The following CACNG4 variants were observed in gnomAD, a reference collection of about 807,000 sequenced individuals.
CACNG4 encodes the protein calcium voltage-gated channel auxiliary subunit gamma 4.
CACNG4 carries 8 observed loss-of-function variants against 22.9 expected under a neutral mutation model. The observed-to-expected ratio is 0.35, with a 90% CI of 0.21 to 0.63. The LOEUF is 0.63. Among genes scored for constraint, CACNG4 ranks in the 30% least tolerant of loss-of-function variants. The pLI is 0.72. For missense variants in CACNG4, 357 were observed against 455.4 expected (o/e 0.78, Z 1.97); for synonymous variants, 188 against 191.9 (o/e 0.98, Z 0.17).
chr17:67,025,648 G>A (rs191405753), intron 3 of CACNG4, among the ~76,000 whole-genome samples: 64 of 152,378 alleles, frequency 4.2e-4, no homozygotes, highest in Admixed American at 2.9e-3. Flanking sequence ...CGATGTCCCC[G>A]GAAAGTGCCA....
chr17:67,028,401 G>A (rs948942031), intron 3 of CACNG4, among the ~76,000 whole-genome samples: 5 of 151,832 alleles, frequency 3.3e-5, no homozygotes, highest in Non-Finnish European at 5.9e-5. Flanking sequence ...AAAATACAAA[G>A]AATTAGCTGG....
chr17:67,013,699 G>A (rs1260305066), intron 1 of CACNG4, among the ~76,000 whole-genome samples: 1 of 152,098 alleles, frequency 6.6e-6, no homozygotes, highest in Admixed American at 6.6e-5. Context: ...CGGCTACTTG[G>A]GAGGCTGAGG....
At chr17:66,970,272 C>T (rs1003706380) in intron 1 of CACNG4, among the ~76,000 whole-genome samples, 8 of 152,134 alleles carry the variant, frequency 5.3e-5, no homozygotes, top group Non-Finnish European at 8.8e-5. Flanking sequence ...TATATTGGAA[C>T]CATGCAGATT....
rs747138146 is a variant in CACNG4 at position 67,030,675 on chromosome 17, C to T, written c.655C>T (p.Arg219Trp). The change falls in exon 4 of 4, where the codon CGG (arginine) becomes TGG (tryptophan). Residue 219 changes from arginine to tryptophan, a missense_variant. This residue lies in a region of CACNG4 where 240 missense variants were observed against 277.6 expected (regional missense o/e 0.86). Transcript: ENST00000262138. This position sits in a 1 kb window ranked among gnomAD's most constrained non-coding sequence, Gnocchi z 6.4. ...TAAAGAGTTGAGGTTTAAGACCAAACGGGAATTCCTTAAGGCGTCTTCCTC... is the reference window on the plus strand; with the variant it reads ...TAAAGAGTTGAGGTTTAAGACCAAATGGGAATTCCTTAAGGCGTCTTCCTC... Reference protein sequence around the residue: ...KNKELRFKTKREFLKASSSSP... With the variant: ...KNKELRFKTKWEFLKASSSSP... 20 of 1,614,190 alleles carry T rather than the reference C, an allele frequency of 1.2e-5. No individual in the cohort carries two copies. The highest frequency in any genetic ancestry group is 1.1e-4 in the South Asian group (10 of 91,084).
Position 67,030,934 on chromosome 17 carries a change from A to C in CACNG4, c.914A>C (p.Asp305Ala). 1 of 1,613,612 alleles carries C rather than the reference A, an allele frequency of 6.2e-7. No homozygotes were observed. The highest frequency in any genetic ancestry group is 8.5e-7 in the Non-Finnish European group (1 of 1,180,006). The change falls in exon 4 of 4, where the codon GAC becomes GCC. Residue 305 changes from aspartate to alanine, a missense_variant. This residue lies in a region of CACNG4 where 240 missense variants were observed against 277.6 expected (regional missense o/e 0.86). Transcript: ENST00000262138. The surrounding 1 kb of genome is among the most constrained non-coding windows in gnomAD (Gnocchi z 6.4). Reference protein sequence around the residue: ...DQEASFLQVHDFFQQDLKEGF... With the variant: ...DQEASFLQVHAFFQQDLKEGF... ...GAGGCCAGCTTCCTGCAGGTGCATG[A>C]CTTTTTCCAGCAGGACCTGAAGGAA...
intron 2 of CACNG4, among the ~76,000 whole-genome samples, chr17:67,018,808 C>T (rs1409869677): frequency 6.6e-6 from 1 of 152,110 alleles, no homozygotes. Context: ...CAGGGAGCAG[C>T]CTCTGATATA....
At chr17:66,998,701 C>T (rs539508276) in intron 1 of CACNG4, among the ~76,000 whole-genome samples, 6 of 152,330 alleles carry the variant, frequency 3.9e-5, no homozygotes, top group African/African-American at 7.2e-5. Flanking sequence ...GCCTTGGGCA[C>T]GCTCTGGGGC....
chr17:67,010,632 C>T (rs1446235605), intron 1 of CACNG4, among the ~76,000 whole-genome samples: 1 of 152,080 alleles, frequency 6.6e-6, no homozygotes, highest in South Asian at 2.1e-4. Context: ...TCTTTCATGC[C>T]CCCATCACCT....
chr17:67,025,150 G>A (rs2035556485), intron 3 of CACNG4, 150 bp downstream of exon 3: 2 of 714,562 alleles, frequency 2.8e-6, no homozygotes, highest in South Asian at 5.8e-5. Context: ...AAGTCCCAAT[G>A]TTCAGGACTG....
chr17:67,020,893 G>A (rs72846273), intron 2 of CACNG4, among the ~76,000 whole-genome samples: 44 of 152,276 alleles, frequency 2.9e-4, no homozygotes, highest in Admixed American at 3.9e-4. Context: ...ATGAGAGTTC[G>A]TTTATTCATT....
At chr17:66,972,118 G>A (rs948881337) in intron 1 of CACNG4, among the ~76,000 whole-genome samples, 4 of 152,138 alleles carry the variant, frequency 2.6e-5, no homozygotes, top group African/African-American at 7.2e-5. Context: ...CCGGCCAGGC[G>A]ACAGCACCAT....
rs553820454 is a variant in CACNG4, at chr17:67,014,550, T to C, written c.221-3639T>C. On this transcript the variant is annotated intron_variant, in intron 1 of 3. Coordinates refer to ENST00000262138, the MANE Select transcript of CACNG4 (RefSeq NM_014405.4). ...GAGCTGGTCAGACCCAGCCTGAACG[T>C]TGGGTTTGGTGGTGGAGCTGTGCCT... 8.5e-5 allele frequency among the ~76,000 whole-genome samples: 13 copies of C among 152,160 alleles called. No individual in the cohort carries two copies. The East Asian group carries it at 2.3e-3, about 27-fold the overall frequency.
chr17:66,979,015 C>T (rs2035255090), intron 1 of CACNG4, among the ~76,000 whole-genome samples: 1 of 152,174 alleles, frequency 6.6e-6, no homozygotes, highest in Non-Finnish European at 1.5e-5. Context: ...TGCCCCGCAC[C>T]CTCCTTCCAG....
At chr17:66,973,870 C>T (rs113623707) in intron 1 of CACNG4, among the ~76,000 whole-genome samples, 273 of 152,360 alleles carry the variant, frequency 1.8e-3, no homozygotes, top group African/African-American at 6.2e-3. Flanking sequence ...TCCCCCAATT[C>T]TTGTTCTGTA....
rs1445710907 is a variant in CACNG4 at position 66,985,000 on chromosome 17, G to A, written c.220+19869G>A. 2.0e-5 allele frequency among the ~76,000 whole-genome samples: 3 copies of A among 152,148 alleles called. No individual in the cohort carries two copies. The highest frequency in any genetic ancestry group is 4.4e-5 in the Non-Finnish European group (3 of 68,020). ...ACGAGACCAGACCAAAGGGTGGCAG[G>A]GGACTGACATGGTTGGGGTGAGGAG... On this transcript the variant is annotated intron_variant, in intron 1 of 3. Transcript: ENST00000262138. The surrounding 1 kb of genome is among the most constrained non-coding windows in gnomAD (Gnocchi z 4.0).
intron 1 of CACNG4, among the ~76,000 whole-genome samples, chr17:67,003,237 T>C (rs1400739473): frequency 6.6e-6 from 1 of 151,794 alleles, no homozygotes; most frequent in Non-Finnish European, 1.5e-5. Context: ...CCATTTGTGA[T>C]CCCCATTTCA....
At chr17:66,992,633 C>T (rs192820909) in intron 1 of CACNG4, among the ~76,000 whole-genome samples, 133 of 152,330 alleles carry the variant, frequency 8.7e-4, no homozygotes, top group African/African-American at 3.1e-3. Context: ...CTCCCCAGAG[C>T]GTGGTTCAGA....
chr17:66,977,648 C>T (rs1419730839), intron 1 of CACNG4, among the ~76,000 whole-genome samples: 1 of 152,206 alleles, frequency 6.6e-6, no homozygotes, highest in East Asian at 1.9e-4. Context: ...GCCCAGGCAC[C>T]ACGGGGCAGG....
intron 1 of CACNG4, among the ~76,000 whole-genome samples, chr17:66,998,373 C>T (rs1181082315): frequency 1.3e-5 from 2 of 152,110 alleles, no homozygotes; most frequent in African/African-American, 4.8e-5. Flanking sequence ...AGGTGCACAC[C>T]ACCATGCCTA....
Sources: allele counts gnomAD v4.1 joint callset (sites outside exome capture counted in the v4.1 genomes callset), GRCh38; gene constraint gnomAD v4.1.1; regional missense constraint gnomAD v4.1.1; non-coding constraint Gnocchi (gnomAD v3.1); transcripts MANE v1.5; gene names NCBI Gene and HGNC (gene_info 2026-07-23, HGNC 2026-07-21).